Variants in CR1 observed in about 807,000 individuals in gnomAD.
CR1 encodes the protein complement receptor type 1.
CR1 carries 116 observed loss-of-function variants against 187.3 expected under a neutral mutation model. That is an observed-to-expected ratio of 0.62 (90% confidence interval 0.53 to 0.72). CR1 has a LOEUF of 0.72. CR1 is among the 30% of genes least tolerant of loss of function. CR1 has a pLI of 0.00. For synonymous variants in CR1, 576 were observed against 747.1 expected (o/e 0.77, Z 3.73); for missense variants, 1,731 against 2,110.7 (o/e 0.82, Z 3.52).
intron 35 of CR1, among the ~76,000 whole-genome samples, chr1:207,590,883 G>C (rs1359579221): frequency 6.6e-6 from 1 of 151,114 alleles, no homozygotes; most frequent in African/African-American, 2.4e-5. Context: ...AATGGCAAAG[G>C]ATGCAACAAG....
intron 39 of CR1, among the ~76,000 whole-genome samples, chr1:207,613,170 G>C (rs1478824258): frequency 6.6e-6 from 1 of 152,280 alleles, no homozygotes; most frequent in African/African-American, 2.4e-5. Context: ...AGGGTGAGGA[G>C]GGTGGAGAAG....
At chr1:207,631,540 C>T (rs17048124) in intron 46 of CR1, among the ~76,000 whole-genome samples, 4,437 of 152,244 alleles carry the variant, frequency 0.029, 220 homozygotes, top group African/African-American at 0.098. Flanking sequence ...CTGGCTAGTT[C>T]CCCTTTTAAC....
intron 4 of CR1, among the ~76,000 whole-genome samples, chr1:207,518,104 TC>T (rs1659859685): frequency 6.6e-6 from 1 of 152,198 alleles, no homozygotes; most frequent in South Asian, 2.1e-4. Context: ...TATCAATTTT[TC>T]TCTAAAACTG....
intron 46 of CR1, among the ~76,000 whole-genome samples, chr1:207,635,972 T>C (rs1378449678): frequency 1.3e-5 from 2 of 152,206 alleles, no homozygotes. Flanking sequence ...CAACAGCATC[T>C]CAAGGCAGAA....
At chr1:207,520,820 G>A (rs61822967) in intron 4 of CR1, among the ~76,000 whole-genome samples, 38,359 of 151,844 alleles carry the variant, frequency 0.25, 5,588 homozygotes, top group Admixed American at 0.33. Context: ...TTCTAAGTGT[G>A]GTTCCTCTGA....
In CR1 at chr1:207,619,878, A is replaced by C; in HGVS notation, c.7067-2A>C. 1 of 1,572,020 alleles carries C rather than the reference A, an allele frequency of 6.4e-7. No homozygotes were observed. The highest frequency in any genetic ancestry group is 8.6e-7 in the Non-Finnish European group (1 of 1,158,784). On this transcript the variant is annotated splice_acceptor_variant, in intron 42 of 46. Transcript: ENST00000367049. LOFTEE classifies it high-confidence loss of function. The stretch of plus-strand genomic sequence containing the variant: ...ATTTCTTTCTGATTTGTCTAATTTC[A>C]GAAGTAAATTGTAGCTTCCCACTGT...
rs1002257467 is a variant in CR1 at position 207,578,093 on chromosome 1, A to C, written c.4826A>C (p.Asn1609Thr). 1.9e-6 allele frequency: 3 copies of C among 1,611,694 alleles called. No homozygotes were observed. In the Admixed American group the frequency reaches 5.0e-5, roughly 27 times the overall value. The change falls in exon 29 of 47, where the codon AAT becomes ACT. Residue 1609 changes from asparagine (N) to threonine (T), a missense_variant. Physicochemically the swap from Asn to Thr is moderately conservative, Grantham distance 65 (BLOSUM62 0). Coordinates refer to ENST00000367049, the MANE Select transcript of CR1 (RefSeq NM_000651.6). The stretch of plus-strand genomic sequence containing the variant: ...GACAACAGAAGCTTATTTTCCTTAA[A>C]TGAAGTTGTGGAGTTTAGGTGTCAG... The part of the protein sequence containing the change: ...VSDNRSLFSL[N>T]EVVEFRCQPG...
chr1:207,576,493 T>C (rs181302546), intron 28 of CR1, among the ~76,000 whole-genome samples: 1 of 152,208 alleles, frequency 6.6e-6, no homozygotes, highest in Admixed American at 6.5e-5. Flanking sequence ...TATTAGTTCT[T>C]CCAGAGCTTT....
At chr1:207,523,576 C>T (rs1660063040) in intron 4 of CR1, 35 bp from the exon 5 acceptor site, 1 of 1,612,550 alleles carries the variant, frequency 6.2e-7, no homozygotes, top group Non-Finnish European at 8.5e-7. Flanking sequence ...ATTATTTAAA[C>T]TGACTGTTAT....
intron 35 of CR1, among the ~76,000 whole-genome samples, chr1:207,590,862 G>C (rs1490087349): frequency 6.6e-5 from 10 of 151,664 alleles, no homozygotes; most frequent in Non-Finnish European, 1.5e-4. Flanking sequence ...AAAGAGACAA[G>C]AGCATTACAT....
At chr1:207,579,398 T>C (rs1430442094) in intron 29 of CR1, among the ~76,000 whole-genome samples, 6 of 152,178 alleles carry the variant, frequency 3.9e-5, no homozygotes, top group South Asian at 4.1e-4. Flanking sequence ...ACGGATGTAC[T>C]GAGGCAGGAG....
At chr1:207,637,845 T>A (rs1400776283) in intron 46 of CR1, among the ~76,000 whole-genome samples, 1 of 152,192 alleles carries the variant, frequency 6.6e-6, no homozygotes, top group Non-Finnish European at 1.5e-5. Context: ...TCTTCAAATG[T>A]CTAGTGGGTA....
intron 35 of CR1, among the ~76,000 whole-genome samples, chr1:207,602,005 G>A (rs963934019): frequency 6.6e-6 from 1 of 151,984 alleles, no homozygotes; most frequent in African/African-American, 2.4e-5. Flanking sequence ...ACATTGCAGT[G>A]CTTTTTGTGG....
At chr1:207,616,122 T>C (rs1175976305) in intron 40 of CR1, among the ~76,000 whole-genome samples, 1 of 152,150 alleles carries the variant, frequency 6.6e-6, no homozygotes, top group African/African-American at 2.4e-5. Context: ...TGGTCTTGAA[T>C]CACCAAGAAA....
At chr1:207,596,483 G>T (rs997251957) in intron 35 of CR1, among the ~76,000 whole-genome samples, 47 of 151,862 alleles carry the variant, frequency 3.1e-4, no homozygotes, top group African/African-American at 1.1e-3. Context: ...GTGTGGTGGC[G>T]CATGCCTGTA....
chr1:207,505,514 A>G (rs1179941194), intron 1 of CR1, among the ~76,000 whole-genome samples: 1 of 152,022 alleles, frequency 6.6e-6, no homozygotes, highest in Non-Finnish European at 1.5e-5. Context: ...ACATCTATGA[A>G]GTATATTGGA....
chr1:207,519,563 C>T (rs1009481950), intron 4 of CR1, among the ~76,000 whole-genome samples: 1 of 152,102 alleles, frequency 6.6e-6, no homozygotes, highest in African/African-American at 2.4e-5. Flanking sequence ...ACGCAAGTAC[C>T]GAAACTATTA....
rs1662977530 is a variant in CR1, at chr1:207,641,287, T to C, written c.*1878T>C. On this transcript the variant is annotated 3_prime_UTR_variant, in exon 47 of 47. Transcript: ENST00000367049. The stretch of plus-strand genomic sequence containing the variant: ...AAAAAATCCTGTGTTCTTTTTTTTT[T>C]CCAGAATGGAGTAGGTCAGTGAGCA... 6.6e-6 allele frequency: 1 copy of C among 152,140 alleles called. No homozygotes were observed. The allele number at this position is 152,140 out of a possible 1,614,324, so 9.4% of individuals were successfully genotyped here.
At position 207,577,224 on chromosome 1, in the gene CR1, G is replaced by T. The variant is rs572135342; in HGVS notation, c.4538-581G>T. On this transcript the variant is annotated intron_variant, in intron 28 of 46. Transcript: ENST00000367049. ...TGAGATCACGCCACTGCACTCCAGT[G>T]TGGGGAACAGAGTGAGGATCTGTTA... Among the ~76,000 whole-genome samples the T allele has an allele frequency of 2.0e-5, 3 of 151,476 alleles. No homozygotes were observed. The South Asian group carries it at 6.3e-4, about 32-fold the overall frequency.
Sources: gnomAD v4.1 joint callset for allele counts (sites outside exome capture counted in the v4.1 genomes callset) on GRCh38, gnomAD v4.1.1 for gene constraint, MANE v1.5 for transcripts, NCBI Gene and HGNC (gene_info 2026-07-23, HGNC 2026-07-21) for gene names.